Variants in HES1 observed in about 807,000 individuals in gnomAD.
HES1 encodes the protein transcription factor HES-1.
A neutral mutation model predicts 21.0 loss-of-function variants in HES1; 7 were observed. That is an observed-to-expected ratio of 0.33 (90% CI 0.19 to 0.63). The LOEUF is 0.63. Ranked by LOEUF, HES1 falls within the 20% of genes least tolerant of loss-of-function variation. HES1 has a pLI of 0.78. For synonymous variants in HES1, 169 were observed against 171.2 expected (o/e 0.99, Z 0.10); for missense variants, 338 against 389.8 (o/e 0.87, Z 1.12).
chr3:194,138,101 C>T lies in HES1; in HGVS notation c.711C>T (p.Ala237=). 1.9e-6 allele frequency: 3 copies of T among 1,612,452 alleles called. No individual in the cohort carries two copies. Among genetic ancestry groups the T allele is most frequent in the Non-Finnish European group, 2.5e-6 (3 of 1,179,576 alleles). Reference sequence around the variant, plus strand: ...TTGCTTTCCTCATTCCCAACGGGGCCTTCGCGCACAGCGGCCCTGTCATCC... The same window carrying T: ...TTGCTTTCCTCATTCCCAACGGGGCTTTCGCGCACAGCGGCCCTGTCATCC... ...GQFAFLIPNG[A]FAHSGPVIPV... is the part of the protein sequence containing the mutation. The change falls in exon 4 of 4, where the codon GCC becomes GCT. Residue 237 remains alanine, a synonymous_variant. Coordinates refer to ENST00000232424, the MANE Select transcript of HES1 (RefSeq NM_005524.4).
rs550623350 is a variant in HES1, at chr3:194,137,166, C to T, written c.292+118C>T. On this transcript the variant is annotated intron_variant, in intron 3 of 3. Coordinates refer to ENST00000232424, the MANE Select transcript of HES1 (RefSeq NM_005524.4). The surrounding 1 kb of genome is among the most constrained non-coding windows in gnomAD (Gnocchi z 5.4). ...TCAGCTACATTTTACTGCCTTGGCT[C>T]ACTCTTGCGTTCCCACGGTCTGGGG... The T allele has an allele frequency of 2.2e-5, 18 of 824,888 alleles. No homozygotes were observed. The highest frequency in any genetic ancestry group is 1.9e-4 in the South Asian group (13 of 68,422). 51.1% of individuals were successfully genotyped at this position (824,888 alleles called of 1,614,324 possible).
rs936161926 is a variant in HES1 at position 194,137,235 on chromosome 3, G to A, written c.292+187G>A. ...TCCAAGTTGTTACTGTTCCGGAAAG[G>A]GAGGGAAAGAGGTTGCAGCCGCGAG... On this transcript the variant is annotated intron_variant, in intron 3 of 3. Coordinates refer to ENST00000232424, the MANE Select transcript of HES1 (RefSeq NM_005524.4). This position sits in a 1 kb window ranked among gnomAD's most constrained non-coding sequence, Gnocchi z 5.4. 2 of 638,954 alleles carry A rather than the reference G, an allele frequency of 3.1e-6. No homozygotes were observed. Among genetic ancestry groups the A allele is most frequent in the East Asian group, 2.7e-5 (1 of 36,638 alleles). The allele number at this position is 638,954 out of a possible 1,614,324, so 39.6% of individuals were successfully genotyped here.
In HES1 at chr3:194,137,861, G is replaced by C; in HGVS notation, c.471G>C (p.Gly157=). 1 of 1,531,356 alleles carries C rather than the reference G, an allele frequency of 6.5e-7. No homozygotes were observed. The allele number at this position is 1,531,356 out of a possible 1,614,324, so 94.9% of individuals were successfully genotyped here. A position where few individuals can be genotyped will look rare whatever the true frequency, so the allele number is the denominator to read the frequency against. ...AGATCAATGCCATGACCTACCCCGG[G>C]CAGCCGCACCCCGCCTTGCAGGCGC... ...MTQINAMTYP[G]QPHPALQAPP... Residue 157 remains glycine, a synonymous_variant, in exon 4 of 4, where the codon GGG becomes GGC. Coordinates refer to ENST00000232424, the MANE Select transcript of HES1 (RefSeq NM_005524.4). The surrounding 1 kb of genome is among the most constrained non-coding windows in gnomAD (Gnocchi z 5.4).
rs1166784546 is a variant in HES1, at chr3:194,137,288, G to A, written c.292+240G>A. On this transcript the variant is annotated intron_variant, in intron 3 of 3. Transcript: ENST00000232424. The surrounding 1 kb of genome is among the most constrained non-coding windows in gnomAD (Gnocchi z 5.4). ...TGGCGGGCGCCGGGTAGGGGCGAAAGGACTTAGGACTGTGGCGGTTTGGAA... is the reference window on the plus strand; with the variant it reads ...TGGCGGGCGCCGGGTAGGGGCGAAAAGACTTAGGACTGTGGCGGTTTGGAA... The A allele has an allele frequency of 8.4e-6, 5 of 595,220 alleles. No individual in the cohort carries two copies. Among genetic ancestry groups the A allele is most frequent in the Admixed American group, 3.0e-5 (1 of 33,770 alleles). 36.9% of individuals were successfully genotyped at this position (595,220 alleles called of 1,614,324 possible).
Position 194,137,137 on chromosome 3 carries a change from G to T in HES1, c.292+89G>T. The T allele has an allele frequency of 9.0e-7, 1 of 1,113,732 alleles. No homozygotes were observed. The highest frequency in any genetic ancestry group is 1.3e-5 in the South Asian group (1 of 79,702). The allele number at this position is 1,113,732 out of a possible 1,614,324, so 69.0% of individuals were successfully genotyped here. A position where few individuals can be genotyped will look rare whatever the true frequency, so the allele number is the denominator to read the frequency against. ...AGACTTCCGCCCGTGGTTGTGAGAG[G>T]CATTCAGCTACATTTTACTGCCTTG... On this transcript the variant is annotated intron_variant, in intron 3 of 3. Coordinates refer to ENST00000232424, the MANE Select transcript of HES1 (RefSeq NM_005524.4). The surrounding 1 kb of genome is among the most constrained non-coding windows in gnomAD (Gnocchi z 5.4).
rs1384915198 is a variant in HES1, at chr3:194,136,268, G to C, written c.-113G>C. 2 of 664,602 alleles carry C rather than the reference G, an allele frequency of 3.0e-6. No individual in the cohort carries two copies. Among genetic ancestry groups the C allele is most frequent in the Non-Finnish European group, 5.2e-6 (2 of 383,160 alleles). The allele number at this position is 664,602 out of a possible 1,614,324, so 41.2% of individuals were successfully genotyped here. On this transcript the variant is annotated 5_prime_UTR_variant, in exon 1 of 4. Transcript: ENST00000232424. The stretch of plus-strand genomic sequence containing the variant: ...AAAATATAATAAACCCTCAGCACTT[G>C]CTCAGTAGTTTTGTGAAAGTCTCAA...
At position 194,138,019 on chromosome 3, in the gene HES1, G is replaced by A; in HGVS notation, c.629G>A (p.Gly210Glu). ...GAPCKLGSQA[G>E]EAAKVFGGFQ... ...CCCTGCAAGCTGGGCAGCCAGGCTG[G>A]AGAGGCGGCTAAGGTGTTTGGAGGC... Residue 210 changes from glycine to glutamate, a missense_variant, in exon 4 of 4, where the codon GGA becomes GAA. Coordinates refer to ENST00000232424, the MANE Select transcript of HES1 (RefSeq NM_005524.4). 6.5e-7 allele frequency: 1 copy of A among 1,550,356 alleles called. No individual in the cohort carries two copies.
In HES1 at chr3:194,137,687, G is replaced by C; in HGVS notation, c.297G>C (p.Ala99=). Reference sequence around the variant, plus strand: ...CTGTCTCTTTCTGGCCCGCAGCTGCGCTGAGCACAGACCCAAGTGTGCTGG... The same window carrying C: ...CTGTCTCTTTCTGGCCCGCAGCTGCCCTGAGCACAGACCCAAGTGTGCTGG... The part of the protein sequence containing the change: ...RNLQRAQMTA[A]LSTDPSVLGK... Residue 99 remains alanine, a synonymous_variant, in exon 4 of 4, where the codon GCG becomes GCC. Coordinates refer to ENST00000232424, the MANE Select transcript of HES1 (RefSeq NM_005524.4). This position sits in a 1 kb window ranked among gnomAD's most constrained non-coding sequence, Gnocchi z 5.4. 1 of 1,594,788 alleles carries C rather than the reference G, an allele frequency of 6.3e-7. No individual in the cohort carries two copies. The highest frequency in any genetic ancestry group is 8.6e-7 in the Non-Finnish European group (1 of 1,169,426).
At chr3:194,136,844 C>T (rs1334034874) in intron 2 of HES1, 117 bp from the exon 3 acceptor site, 1 of 1,379,498 alleles carries the variant, frequency 7.2e-7, no homozygotes, top group Non-Finnish European at 1.0e-6. Flanking sequence ...GAGGGCCCGG[C>T]CTTATTCGCT....
At position 194,136,265 on chromosome 3, in the gene HES1, C is replaced by G; in HGVS notation, c.-116C>G. The G allele has an allele frequency of 3.0e-6, 2 of 660,910 alleles. No individual in the cohort carries two copies. The highest frequency in any genetic ancestry group is 2.0e-5 in the South Asian group (1 of 49,574). The allele number at this position is 660,910 out of a possible 1,614,324, so 40.9% of individuals were successfully genotyped here. On this transcript the variant is annotated 5_prime_UTR_variant, in exon 1 of 4. Coordinates refer to ENST00000232424, the MANE Select transcript of HES1 (RefSeq NM_005524.4). ...CACAAAATATAATAAACCCTCAGCA[C>G]TTGCTCAGTAGTTTTGTGAAAGTCT...
At position 194,138,316 on chromosome 3, in the gene HES1, G is replaced by GTTT. The variant is rs1346049205; in HGVS notation, c.*83_*84insTTT. Reference sequence around the variant, plus strand: ...CTCTAAACAGGAACTTGAATACTGGGAGAGAAGAGGACTTTTTTGATTAAG... The same window carrying GTTT: ...CTCTAAACAGGAACTTGAATACTGGGTTTAGAGAAGAGGACTTTTTTGATTAAG... On this transcript the variant is annotated 3_prime_UTR_variant, in exon 4 of 4. Coordinates refer to ENST00000232424, the MANE Select transcript of HES1 (RefSeq NM_005524.4). The GTTT allele has an allele frequency of 7.5e-7, 1 of 1,325,956 alleles. No individual in the cohort carries two copies. The highest frequency in any genetic ancestry group is 9.8e-7 in the Non-Finnish European group (1 of 1,015,996). 82.1% of individuals were successfully genotyped at this position (1,325,956 alleles called of 1,614,324 possible).
rs775921226 is a variant in HES1, at chr3:194,137,079, G to C, written c.292+31G>C. The stretch of plus-strand genomic sequence containing the variant: ...GGCGGCTCGCCGCGTCCCCCTGTGC[G>C]GGCGTCCCGCTCGCCTCGCGGTGAT... On this transcript the variant is annotated intron_variant, in intron 3 of 3. Coordinates refer to ENST00000232424, the MANE Select transcript of HES1 (RefSeq NM_005524.4). This position sits in a 1 kb window ranked among gnomAD's most constrained non-coding sequence, Gnocchi z 5.4. The C allele has an allele frequency of 4.4e-6, 7 of 1,580,374 alleles. No individual in the cohort carries two copies. Among genetic ancestry groups the C allele is most frequent in the Non-Finnish European group, 6.1e-6 (7 of 1,149,626 alleles).
chr3:194,137,655 G>A lies in HES1; in HGVS notation c.293-28G>A. Reference sequence around the variant, plus strand: ...GGCCACGGGGCCAGGGCCGTTCGGTGACCCGTCTGTCTCTTTCTGGCCCGC... The same window carrying A: ...GGCCACGGGGCCAGGGCCGTTCGGTAACCCGTCTGTCTCTTTCTGGCCCGC... On this transcript the variant is annotated intron_variant, in intron 3 of 3. Coordinates refer to ENST00000232424, the MANE Select transcript of HES1 (RefSeq NM_005524.4). This position sits in a 1 kb window ranked among gnomAD's most constrained non-coding sequence, Gnocchi z 5.4. 6.4e-7 allele frequency: 1 copy of A among 1,550,476 alleles called. No homozygotes were observed. Among genetic ancestry groups the A allele is most frequent in the Non-Finnish European group, 8.8e-7 (1 of 1,142,834 alleles).
At position 194,137,357 on chromosome 3, in the gene HES1, T is replaced by G. The variant is rs1715370657; in HGVS notation, c.292+309T>G. ...TCACTGGTTTAGCACTCCTTCCCGT[T>G]GCAGAAGGGGAAATGAGGCTTGGAT... On this transcript the variant is annotated intron_variant, in intron 3 of 3. Transcript: ENST00000232424. The surrounding 1 kb of genome is among the most constrained non-coding windows in gnomAD (Gnocchi z 5.4). The G allele has an allele frequency of 1.8e-6, 1 of 567,478 alleles. No individual in the cohort carries two copies. Among genetic ancestry groups the G allele is most frequent in the Non-Finnish European group, 3.1e-6 (1 of 317,820 alleles). The allele number at this position is 567,478 out of a possible 1,614,324, so 35.2% of individuals were successfully genotyped here.
chr3:194,136,185 C>T lies in HES1; in HGVS notation c.-196C>T, dbSNP rs1205087525. On this transcript the variant is annotated 5_prime_UTR_variant, in exon 1 of 4. Transcript: ENST00000232424. The stretch of plus-strand genomic sequence containing the variant: ...GAGCTGGTGCTGATAACAGCGGAAT[C>T]CCCCGTCTACCTCTCTCCTTGGTCC... The T allele has an allele frequency of 5.6e-6, 3 of 539,858 alleles. No individual in the cohort carries two copies. In the South Asian group the frequency reaches 7.6e-5, roughly 14 times the overall value. 33.4% of individuals were successfully genotyped at this position (539,858 alleles called of 1,614,324 possible).
At position 194,138,455 on chromosome 3, in the gene HES1, G is replaced by C; in HGVS notation, c.*222G>C. On this transcript the variant is annotated 3_prime_UTR_variant, in exon 4 of 4. Transcript: ENST00000232424. Reference sequence around the variant, plus strand: ...ATATTTTATATGTTCATATTGGATTGCGCCTTTGTATTATAAAAGCTCAGA... The same window carrying C: ...ATATTTTATATGTTCATATTGGATTCCGCCTTTGTATTATAAAAGCTCAGA... 2.5e-6 allele frequency: 1 copy of C among 403,076 alleles called. No individual in the cohort carries two copies. Among genetic ancestry groups the C allele is most frequent in the Admixed American group, 4.5e-5 (1 of 22,456 alleles). 25.0% of individuals were successfully genotyped at this position (403,076 alleles called of 1,614,324 possible).
rs186088852 is a variant in HES1 at position 194,137,422 on chromosome 3, G to C, written c.293-261G>C. On this transcript the variant is annotated intron_variant, in intron 3 of 3. Transcript: ENST00000232424. The surrounding 1 kb of genome is among the most constrained non-coding windows in gnomAD (Gnocchi z 5.4). Reference sequence around the variant, plus strand: ...CATTGTCCAAGGTCACATCGCGCGCGGGGGTGGGGGTGACAGATCTGGGGC... The same window carrying C: ...CATTGTCCAAGGTCACATCGCGCGCCGGGGTGGGGGTGACAGATCTGGGGC... 3 of 568,224 alleles carry C rather than the reference G, an allele frequency of 5.3e-6. No homozygotes were observed. The highest frequency in any genetic ancestry group is 6.2e-6 in the Non-Finnish European group (2 of 320,136). 35.2% of individuals were successfully genotyped at this position (568,224 alleles called of 1,614,324 possible). A position where few individuals can be genotyped will look rare whatever the true frequency, so the allele number is the denominator to read the frequency against.
intron 2 of HES1, 64 bp from the exon 3 acceptor site, chr3:194,136,897 G>A: frequency 2.0e-6 from 3 of 1,508,404 alleles, no homozygotes; most frequent in Non-Finnish European, 1.8e-6. Flanking sequence ...CGGGAGGAGG[G>A]ACCCCCAGCA....
intron 1 of HES1, 61 bp from the exon 2 acceptor site, chr3:194,136,552 TTCTG>T: frequency 1.3e-6 from 2 of 1,564,718 alleles, no homozygotes; most frequent in Non-Finnish European, 8.7e-7. Flanking sequence ...GGGGGCTTCT[TTCTG>T]TCTTGAAACC....
Sources: gnomAD v4.1 joint callset for allele counts on GRCh38, gnomAD v4.1.1 for gene constraint, Gnocchi (gnomAD v3.1) non-coding constraint, MANE v1.5 for transcripts, NCBI Gene and HGNC (gene_info 2026-07-23, HGNC 2026-07-21) for gene names.